WASF2: variants seen among roughly 807,000 people sequenced by gnomAD.
WASF2 encodes the protein actin-binding protein WASF2.
WASF2 carries 14 observed loss-of-function variants against 45.0 expected under a neutral mutation model. The observed-to-expected ratio is 0.31, with a 90% CI of 0.21 to 0.49. The LOEUF is 0.49. Ranked by LOEUF, WASF2 falls within the 20% of genes least tolerant of loss-of-function variation. WASF2 has a pLI of 0.99. For missense variants in WASF2, 439 were observed against 636.1 expected, an observed-to-expected ratio of 0.69 and a Z score of 3.33; for synonymous variants, 200 against 236.3, an observed-to-expected ratio of 0.85 and a Z score of 1.41.
At chr1:27,454,730 C>A (rs2017444438) in intron 1 of WASF2, among the ~76,000 whole-genome samples, 1 of 152,228 alleles carries the variant, frequency 6.6e-6, no homozygotes, top group African/African-American at 2.4e-5. Flanking sequence ...AACGTATATA[C>A]CCTTCTGCAA....
At chr1:27,464,364 C>A (rs540436910) in intron 1 of WASF2, among the ~76,000 whole-genome samples, 1 of 151,368 alleles carries the variant, frequency 6.6e-6, no homozygotes, top group East Asian at 2.0e-4. Flanking sequence ...CTAGCCTGGG[C>A]AAAAGAGGAA....
chr1:27,468,056 C>A (rs1017804933), intron 1 of WASF2, among the ~76,000 whole-genome samples: 4 of 151,970 alleles, frequency 2.6e-5, no homozygotes, highest in Non-Finnish European at 5.9e-5. Context: ...GTCTCAGTCA[C>A]CCAAGTAGAT....
At chr1:27,449,640 T>C (rs1031812601) in intron 1 of WASF2, among the ~76,000 whole-genome samples, 2 of 151,660 alleles carry the variant, frequency 1.3e-5, no homozygotes, top group Non-Finnish European at 2.9e-5. Context: ...AATGAAGCCA[T>C]AGTTGCTTCT....
chr1:27,412,434 T>C, intron 7 of WASF2, 138 bp downstream of exon 7: 1 of 1,151,884 alleles, frequency 8.7e-7, no homozygotes, highest in African/African-American at 1.5e-5. Context: ...TCTTGAACTT[T>C]TGGCCTCACG....
At chr1:27,451,572 C>T (rs922892641) in intron 1 of WASF2, among the ~76,000 whole-genome samples, 2 of 152,108 alleles carry the variant, frequency 1.3e-5, no homozygotes, top group Non-Finnish European at 2.9e-5. Context: ...CAGAGAGTGA[C>T]ATGATCAGAT....
intron 1 of WASF2, among the ~76,000 whole-genome samples, chr1:27,452,660 TACAAAAAATTACCCAGGCATGGTGTC>T (rs1188793885): frequency 6.8e-6 from 1 of 148,144 alleles, no homozygotes; most frequent in East Asian, 2.0e-4. Flanking sequence ...CTACTAAAAA[TACAAAAAATTACCCAGGCATGGTGTC>T]ACACACCTGT....
intron 2 of WASF2, among the ~76,000 whole-genome samples, chr1:27,424,667 C>T (rs867278714): frequency 8.5e-5 from 13 of 152,086 alleles, no homozygotes; most frequent in African/African-American, 2.7e-4. Flanking sequence ...AGTACAGGCA[C>T]ACGCCACCAC....
At chr1:27,441,680 G>C (rs1482674020) in intron 1 of WASF2, among the ~76,000 whole-genome samples, 1 of 150,932 alleles carries the variant, frequency 6.6e-6, no homozygotes, top group Non-Finnish European at 1.5e-5. Flanking sequence ...CGGGAACCTG[G>C]GAGGCGGAGC....
In WASF2 at chr1:27,414,331, T is replaced by C. The variant is rs568690258; in HGVS notation, c.668+502A>G. On this transcript the variant is annotated intron_variant, in intron 6 of 8. Coordinates refer to ENST00000618852, the MANE Select transcript of WASF2 (RefSeq NM_006990.5). The surrounding 1 kb of genome is among the most constrained non-coding windows in gnomAD (Gnocchi z 4.1). ...ACTGGCCAAGCAACCTTTCCCACAC[T>C]GTCTATGAGGTCTGCATTCAGTCCC... Among the ~76,000 whole-genome samples, 1 of 152,336 alleles carries C rather than the reference T, an allele frequency of 6.6e-6. No homozygotes were observed. The highest frequency in any genetic ancestry group is 2.1e-4 in the South Asian group (1 of 4,824).
chr1:27,426,390 A>C (rs750070455), intron 2 of WASF2, among the ~76,000 whole-genome samples: 35 of 152,204 alleles, frequency 2.3e-4, no homozygotes, highest in Non-Finnish European at 4.3e-4. Context: ...AATGAAGTCT[A>C]AACCAGGGCA....
intron 1 of WASF2, among the ~76,000 whole-genome samples, chr1:27,477,295 T>C (rs1299712667): frequency 6.6e-6 from 1 of 152,146 alleles, no homozygotes; most frequent in Non-Finnish European, 1.5e-5. Context: ...ATCCCAGCAC[T>C]TTGGGAGGCT....
chr1:27,418,221 CG>C, intron 4 of WASF2, 47 bp downstream of exon 4: 1 of 1,560,904 alleles, frequency 6.4e-7, no homozygotes, highest in Non-Finnish European at 8.7e-7. Context: ...AAAAATCTAG[CG>C]TTATTAAACC....
intron 4 of WASF2, 96 bp from the exon 5 acceptor site, chr1:27,416,198 C>A: frequency 9.7e-7 from 1 of 1,026,190 alleles, no homozygotes; most frequent in Non-Finnish European, 1.5e-6. Context: ...AGTTTTTACA[C>A]CAAGGAATCA....
chr1:27,483,266 T>C (rs893280859), intron 1 of WASF2, among the ~76,000 whole-genome samples: 5 of 151,702 alleles, frequency 3.3e-5, no homozygotes, highest in African/African-American at 1.2e-4. Flanking sequence ...GGTCAGGAGT[T>C]TTAGACCAGC....
chr1:27,476,627 C>A (rs1252853622), intron 1 of WASF2, among the ~76,000 whole-genome samples: 2 of 150,910 alleles, frequency 1.3e-5, no homozygotes, highest in South Asian at 2.1e-4. Flanking sequence ...CTGAAAAGAG[C>A]AAATAAGTAG....
chr1:27,471,745 C>G (rs2017692004), intron 1 of WASF2, among the ~76,000 whole-genome samples: 1 of 152,124 alleles, frequency 6.6e-6, no homozygotes, highest in Non-Finnish European at 1.5e-5. Flanking sequence ...AGAAAGAGAA[C>G]CAGAACAATG....
intron 1 of WASF2, among the ~76,000 whole-genome samples, chr1:27,472,322 C>T (rs2148138398): frequency 7.1e-6 from 1 of 140,224 alleles, no homozygotes; most frequent in South Asian, 2.2e-4. Context: ...AAGACGCCAA[C>T]TCAAAAAAAA....
At chr1:27,447,955 A>C (rs2017332138) in intron 1 of WASF2, among the ~76,000 whole-genome samples, 1 of 152,228 alleles carries the variant, frequency 6.6e-6, no homozygotes, top group Non-Finnish European at 1.5e-5. Context: ...GATTTTCTAG[A>C]GAAGGACAAT....
At chr1:27,422,114 G>T (rs1242925386) in intron 2 of WASF2, among the ~76,000 whole-genome samples, 3 of 151,512 alleles carry the variant, frequency 2.0e-5, no homozygotes, top group Non-Finnish European at 4.4e-5. Context: ...AAGTGAAGGG[G>T]ATAGTGATAG....
Sources: allele counts gnomAD v4.1 joint callset (sites outside exome capture counted in the v4.1 genomes callset), GRCh38; gene constraint gnomAD v4.1.1; non-coding constraint Gnocchi (gnomAD v3.1); transcripts MANE v1.5; gene names NCBI Gene and HGNC (gene_info 2026-07-23, HGNC 2026-07-21).